The following DNM2 variants were observed in gnomAD, a reference collection of about 807,000 sequenced individuals.
The protein encoded by DNM2 is dynamin 2, also known as dynamin-2.
Under a neutral mutation model 99.0 loss-of-function variants are expected in DNM2, and 15 were observed. The observed-to-expected ratio is 0.15, with a 90% CI of 0.10 to 0.23. The LOEUF (loss-of-function observed/expected upper bound fraction) is 0.23, where lower values mean the gene tolerates loss of function less well. Among genes scored for constraint, DNM2 ranks in the 10% least tolerant of loss-of-function variants. The probability of loss-of-function intolerance (pLI) is 1.00; values close to 1 mark genes in which losing one functional copy is unlikely to be tolerated. For synonymous variants in DNM2, 525 were observed against 481.2 expected (o/e 1.09, Z -1.19); for missense variants, 742 against 1,189.4 (o/e 0.62, Z 5.53).
Position 10,811,586 on chromosome 19 carries a change from G to T in DNM2, c.1558-678G>T. 2.4e-6 allele frequency: 1 copy of T among 414,352 alleles called. No homozygotes were observed. Among genetic ancestry groups the T allele is most frequent in the East Asian group, 7.1e-5 (1 of 14,082 alleles). The allele number at this position is 414,352 out of a possible 1,614,324, so 25.7% of individuals were successfully genotyped here. A position where few individuals can be genotyped will look rare whatever the true frequency, so the allele number is the denominator to read the frequency against. ...TCCCAGGGCCCTCGTCCTGAGTGGG[G>T]TGGGGGGCTCTGCCCACACATGCCT... is the stretch of plus-strand genomic sequence containing the variant. On this transcript the variant is annotated intron_variant, in intron 14 of 20. Coordinates refer to ENST00000389253, the MANE Select transcript of DNM2 (RefSeq NM_001005361.3). This position sits in a 1 kb window ranked among gnomAD's most constrained non-coding sequence, Gnocchi z 5.4.
rs756219781 is a variant in DNM2 at position 10,817,800 on chromosome 19, C to CGTGTGTGT, written c.1672-2170_1672-2163dup. On this transcript the variant is annotated intron_variant, in intron 15 of 20. Coordinates refer to ENST00000389253, the MANE Select transcript of DNM2 (RefSeq NM_001005361.3). This position sits in a 1 kb window ranked among gnomAD's most constrained non-coding sequence, Gnocchi z 4.6. Reference sequence around the variant, plus strand: ...GGTGGGGAGGAGGGGCGCACACACACGTGTGTGTGTGTGTGTGCGCGCGCG... The same window carrying CGTGTGTGT: ...GGTGGGGAGGAGGGGCGCACACACACGTGTGTGTGTGTGTGTGTGTGTGTGCGCGCGCG... 1.4e-5 allele frequency among the ~76,000 whole-genome samples: 2 copies of CGTGTGTGT among 139,360 alleles called. No individual in the cohort carries two copies. The highest frequency in any genetic ancestry group is 1.4e-4 in the Admixed American group (2 of 14,196). 91.4% of individuals were successfully genotyped at this position (139,360 alleles called of 152,430 possible). A position where few individuals can be genotyped will look rare whatever the true frequency, so the allele number is the denominator to read the frequency against.
chr19:10,802,451 G>T (rs1289341350), intron 12 of DNM2, 93 bp downstream of exon 12: 1 of 1,409,456 alleles, frequency 7.1e-7, no homozygotes, highest in Non-Finnish European at 1.0e-6. Context: ...TGAGAGGGCA[G>T]GTGTCAGACA....
At chr19:10,739,820 C>T (rs2069673490) in intron 1 of DNM2, among the ~76,000 whole-genome samples, 1 of 142,988 alleles carries the variant, frequency 7.0e-6, no homozygotes, top group Admixed American at 7.3e-5. Context: ...CACTCCACTG[C>T]ACTCTAGCCT....
chr19:10,783,169 G>A, intron 6 of DNM2, 49 bp downstream of exon 6: 1 of 1,598,062 alleles, frequency 6.3e-7, no homozygotes, highest in Non-Finnish European at 8.5e-7. Flanking sequence ...GCTGTGCACT[G>A]CACAACAGCT....
At position 10,830,484 on chromosome 19, in the gene DNM2, G is replaced by A. The variant is rs1489712273; in HGVS notation, c.2543+106G>A. On this transcript the variant is annotated intron_variant, in intron 20 of 20. Coordinates refer to ENST00000389253, the MANE Select transcript of DNM2 (RefSeq NM_001005361.3). This position sits in a 1 kb window ranked among gnomAD's most constrained non-coding sequence, Gnocchi z 4.8. Reference sequence around the variant, plus strand: ...TCTCACTACGTGCCCAGCTGCTGGAGTGGAGGAATCGTCCTCATCCCTATT... The same window carrying A: ...TCTCACTACGTGCCCAGCTGCTGGAATGGAGGAATCGTCCTCATCCCTATT... 2 of 1,320,628 alleles carry A rather than the reference G, an allele frequency of 1.5e-6. No homozygotes were observed. Among genetic ancestry groups the A allele is most frequent in the African/African-American group, 2.9e-5 (2 of 68,922 alleles). The allele number at this position is 1,320,628 out of a possible 1,614,324, so 81.8% of individuals were successfully genotyped here.
At chr19:10,766,194 G>C (rs1374791894) in intron 2 of DNM2, among the ~76,000 whole-genome samples, 1 of 152,194 alleles carries the variant, frequency 6.6e-6, no homozygotes, top group Admixed American at 6.5e-5. Context: ...CTGAAGGCAG[G>C]TCTTCCCAGC....
chr19:10,786,248 C>T (rs1286719573), intron 6 of DNM2, among the ~76,000 whole-genome samples: 3 of 152,222 alleles, frequency 2.0e-5, no homozygotes, highest in Non-Finnish European at 2.9e-5. Context: ...TCATTGGCCC[C>T]CGTTTCCGTG....
chr19:10,726,217 T>G lies in DNM2; in HGVS notation c.161+7814T>G, dbSNP rs527870170. Among the ~76,000 whole-genome samples the G allele has an allele frequency of 5.9e-4, 55 of 92,678 alleles. 2 individuals carry two copies. The East Asian group carries it at 0.015, about 24-fold the overall frequency. 60.8% of individuals were successfully genotyped at this position (92,678 alleles called of 152,430 possible). A position where few individuals can be genotyped will look rare whatever the true frequency, so the allele number is the denominator to read the frequency against. On this transcript the variant is annotated intron_variant, in intron 1 of 20. Coordinates refer to ENST00000389253, the MANE Select transcript of DNM2 (RefSeq NM_001005361.3). ...CTGGGCGACAGAGCGAGACTCTGCC[T>G]CAAAAAAAAAAAATTTTTTTTTTTT... is the stretch of plus-strand genomic sequence containing the variant.
chr19:10,793,521 C>G (rs2071825782), intron 7 of DNM2, among the ~76,000 whole-genome samples, 199 bp from the exon 8 acceptor site: 1 of 152,212 alleles, frequency 6.6e-6, no homozygotes, highest in South Asian at 2.1e-4. Flanking sequence ...TCGGAACAGG[C>G]TTAGCTTGAG....
At chr19:10,768,315 G>A (rs555861906) in intron 2 of DNM2, among the ~76,000 whole-genome samples, 5 of 152,248 alleles carry the variant, frequency 3.3e-5, no homozygotes, top group Admixed American at 1.3e-4. Flanking sequence ...TTAGCTGGGC[G>A]TGGTGGCGGG....
At chr19:10,736,912 C>T (rs1424275862) in intron 1 of DNM2, among the ~76,000 whole-genome samples, 3 of 152,052 alleles carry the variant, frequency 2.0e-5, no homozygotes, top group Non-Finnish European at 2.9e-5. Context: ...TTTGGGAGGC[C>T]GAGGTGGAAG....
chr19:10,822,873 G>A (rs1414959108), intron 16 of DNM2, among the ~76,000 whole-genome samples: 3 of 151,770 alleles, frequency 2.0e-5, no homozygotes, highest in Admixed American at 6.5e-5. Flanking sequence ...TTGGGAGGCC[G>A]AGGCAGGTAG....
chr19:10,828,915 AC>A lies in DNM2; in HGVS notation c.2059-120del, dbSNP rs922232043. The A allele has an allele frequency of 5.9e-6, 6 of 1,012,170 alleles. No individual in the cohort carries two copies. In the African/African-American group the frequency reaches 9.6e-5, roughly 16 times the overall value. 62.7% of individuals were successfully genotyped at this position (1,012,170 alleles called of 1,614,324 possible). A position where few individuals can be genotyped will look rare whatever the true frequency, so the allele number is the denominator to read the frequency against. On this transcript the variant is annotated intron_variant, in intron 18 of 20. Coordinates refer to ENST00000389253, the MANE Select transcript of DNM2 (RefSeq NM_001005361.3). ...ACTCCAGCCTGGGTGACAGAGCAAG[AC>A]TCTTTTTCAAAAAAGTCTGGGGGTG... is the stretch of plus-strand genomic sequence containing the variant.
At position 10,830,928 on chromosome 19, in the gene DNM2, CG is replaced by C. The variant is rs1568325693; in HGVS notation, c.2544-48del. 6.3e-7 allele frequency: 1 copy of C among 1,576,102 alleles called. No individual in the cohort carries two copies. Among genetic ancestry groups the C allele is most frequent in the Admixed American group, 1.8e-5 (1 of 55,880 alleles). Reference sequence around the variant, plus strand: ...TCAACCCAGGCCTGCCTCTTGCTCCCGGCCTCACTGCCGTCTCCCCCTCCCC... The same window carrying C: ...TCAACCCAGGCCTGCCTCTTGCTCCCGCCTCACTGCCGTCTCCCCCTCCCC... On this transcript the variant is annotated intron_variant, in intron 20 of 20. Transcript: ENST00000389253. The surrounding 1 kb of genome is among the most constrained non-coding windows in gnomAD (Gnocchi z 4.8).
In DNM2 at chr19:10,831,026, C is replaced by A. The variant is rs373161548; in HGVS notation, c.2592C>A (p.Ala864=). ...GCCGGCCCACCATTATCCGCCCAGCCGAGCCATCCCTGCTCGACTAGGCCT... is the reference window on the plus strand; with the variant it reads ...GCCGGCCCACCATTATCCGCCCAGCAGAGCCATCCCTGCTCGACTAGGCCT... ...APSRPTIIRP[A]EPSLLD The change falls in exon 21 of 21, where the codon GCC becomes GCA. Residue 864 remains alanine, a synonymous_variant. Coordinates refer to ENST00000389253, the MANE Select transcript of DNM2 (RefSeq NM_001005361.3). The surrounding 1 kb of genome is among the most constrained non-coding windows in gnomAD (Gnocchi z 4.3). 6.2e-7 allele frequency: 1 copy of A among 1,610,920 alleles called. No individual in the cohort carries two copies. Among genetic ancestry groups the A allele is most frequent in the Non-Finnish European group, 8.5e-7 (1 of 1,178,682 alleles).
chr19:10,789,088 C>A (rs531018584), intron 7 of DNM2, among the ~76,000 whole-genome samples: 1 of 152,300 alleles, frequency 6.6e-6, no homozygotes, highest in African/African-American at 2.4e-5. Context: ...ATTCTAGCTA[C>A]TTGGGAGGCT....
Position 10,797,511 on chromosome 19 carries a change from C to T in DNM2, c.1328C>T (p.Ala443Val), listed in dbSNP as rs769547202. 4 of 1,613,830 alleles carry T rather than the reference C, an allele frequency of 2.5e-6. No individual in the cohort carries two copies. The South Asian group carries it at 4.4e-5, about 18-fold the overall frequency. The change falls in exon 10 of 21, where the codon GCC becomes GTC. Residue 443 changes from alanine to valine, a missense_variant. Around this residue, in one of 7 missense-constraint regions of DNM2, gnomAD observed 240 missense variants for 431.3 expected, o/e 0.56. Transcript: ENST00000389253. ...CTGGCCACGGTCATAAAAAAGTGTG[C>T]CGAGAAGGTAACAGGTTTTGTTCTC... ...SELATVIKKC[A>V]EKLSSYPRLR...
chr19:10,800,031 A>G (rs1003340429), intron 11 of DNM2, among the ~76,000 whole-genome samples: 1 of 150,444 alleles, frequency 6.6e-6, no homozygotes, highest in Non-Finnish European at 1.5e-5. Flanking sequence ...TAATTTTTGT[A>G]TTTTTAGTAG....
At chr19:10,829,766 C>T (rs762237504) in intron 19 of DNM2, among the ~76,000 whole-genome samples, 5 of 152,114 alleles carry the variant, frequency 3.3e-5, no homozygotes, top group Non-Finnish European at 5.9e-5. Flanking sequence ...GGATATCGCA[C>T]CCAGGCCTGC....
Sources: gnomAD v4.1 joint callset for allele counts (sites outside exome capture counted in the v4.1 genomes callset) on GRCh38, gnomAD v4.1.1 for gene constraint, gnomAD v4.1.1 regional missense constraint, Gnocchi (gnomAD v3.1) non-coding constraint, MANE v1.5 for transcripts, NCBI Gene and HGNC (gene_info 2026-07-23, HGNC 2026-07-21) for gene names.